The following ANKRD36B variants were observed in gnomAD, a reference collection of about 807,000 sequenced individuals.
The protein encoded by ANKRD36B is ankyrin repeat domain-containing protein 36B.
In ANKRD36B, 37 loss-of-function variants were observed where a neutral mutation model predicts 135.7. The ratio of observed to expected loss-of-function variants is 0.27; its 90% CI spans 0.21 to 0.36. The LOEUF (loss-of-function observed/expected upper bound fraction) is 0.36, where lower values mean the gene tolerates loss of function less well. ANKRD36B is among the 10% of genes least tolerant of loss of function. The pLI is 1.00. For missense variants in ANKRD36B, 549 were observed against 1,037.1 expected (o/e 0.53, Z 6.46); for synonymous variants, 179 against 348.1 (o/e 0.51, Z 5.41).
Position 97,540,026 on chromosome 2 carries a change from A to C in ANKRD36B, c.1987+8T>G, listed in dbSNP as rs776874398. On this transcript the variant is annotated splice_region_variant and intron_variant, in intron 30 of 43. Transcript: ENST00000359901. Reference sequence around the variant, plus strand: ...GAACATGACATTAAATGTGTTTTGTAAAATTACCTGTCCCAGATTTTTCTC... The same window carrying C: ...GAACATGACATTAAATGTGTTTTGTCAAATTACCTGTCCCAGATTTTTCTC... 3.3e-6 allele frequency: 3 copies of C among 917,060 alleles called. No individual in the cohort carries two copies. The South Asian group carries it at 3.8e-5, about 12-fold the overall frequency. 56.8% of individuals were successfully genotyped at this position (917,060 alleles called of 1,614,324 possible). A position where few individuals can be genotyped will look rare whatever the true frequency, so the allele number is the denominator to read the frequency against.
chr2:97,557,590 T>G (rs2080645363), intron 10 of ANKRD36B, among the ~76,000 whole-genome samples: 1 of 151,846 alleles, frequency 6.6e-6, no homozygotes, highest in Non-Finnish European at 1.5e-5. Context: ...ATTGAGCAGG[T>G]ACACAATGAC....
chr2:97,551,620 G>A (rs1216568035), intron 16 of ANKRD36B, 140 bp from the exon 17 acceptor site: 2 of 1,399,680 alleles, frequency 1.4e-6, no homozygotes. Context: ...TGTGTCTGGG[G>A]ATTAGAACAT....
chr2:97,554,732 C>T (rs1448410283), intron 14 of ANKRD36B, among the ~76,000 whole-genome samples: 1 of 151,932 alleles, frequency 6.6e-6, no homozygotes, highest in Non-Finnish European at 1.5e-5. Context: ...ATCTATACTT[C>T]AACTCATTCT....
At chr2:97,555,296 T>A in intron 12 of ANKRD36B, 42 bp from the exon 13 acceptor site, 1 of 1,607,804 alleles carries the variant, frequency 6.2e-7, no homozygotes, top group Non-Finnish European at 8.5e-7. Context: ...TATGTAAATA[T>A]GATAAAGTTA....
chr2:97,576,366 T>G lies in ANKRD36B; in HGVS notation c.763+13A>C. 2 of 1,240,378 alleles carry G rather than the reference T, an allele frequency of 1.6e-6. No individual in the cohort carries two copies. Among genetic ancestry groups the G allele is most frequent in the Non-Finnish European group, 2.2e-6 (2 of 906,942 alleles). The allele number at this position is 1,240,378 out of a possible 1,614,324, so 76.8% of individuals were successfully genotyped here. A position where few individuals can be genotyped will look rare whatever the true frequency, so the allele number is the denominator to read the frequency against. The stretch of plus-strand genomic sequence containing the variant: ...TAGTACCATCAAGAGTAATTCACTA[T>G]CAGAAATCTCACCTGGATTGCTATT... On this transcript the variant is annotated intron_variant, in intron 6 of 43. Transcript: ENST00000359901.
At chr2:97,552,054 C>T (rs1050465678) in intron 16 of ANKRD36B, among the ~76,000 whole-genome samples, 3 of 151,934 alleles carry the variant, frequency 2.0e-5, no homozygotes, top group African/African-American at 2.4e-5. Context: ...TATTCATTAT[C>T]TCTCACACCC....
rs1373078832 is a variant in ANKRD36B, at chr2:97,560,677, T to C, written c.853A>G (p.Ile285Val). The change falls in exon 8 of 44, where the codon ATA becomes GTA. Residue 285 changes from isoleucine (I) to valine (V), a missense_variant. Transcript: ENST00000359901. ...TTTGCAAAATTACCTGTCCCAGATA[T>C]AGGTCCCTCCTTTATTTCTGTGGCT... is the stretch of plus-strand genomic sequence containing the variant. ...NIATEIKEGPISGTVSSQKQP... is the reference protein window; with the variant it reads ...NIATEIKEGPVSGTVSSQKQP... The C allele has an allele frequency of 1.6e-5, 25 of 1,603,780 alleles. No homozygotes were observed. The South Asian group carries it at 2.6e-4, about 17-fold the overall frequency.
chr2:97,552,345 A>G (rs1041005786), intron 16 of ANKRD36B, among the ~76,000 whole-genome samples: 8 of 151,984 alleles, frequency 5.3e-5, no homozygotes, highest in Non-Finnish European at 1.0e-4. Flanking sequence ...TCTTGGGAGT[A>G]TCATGTTAGT....
chr2:97,584,945 T>C lies in ANKRD36B; in HGVS notation c.449A>G (p.Lys150Arg). Reference sequence around the variant, plus strand: ...AAAATAACATTGGTTGACCTATACCTTGCTGCATTCTTCAATATTTGTACC... The same window carrying C: ...AAAATAACATTGGTTGACCTATACCCTGCTGCATTCTTCAATATTTGTACC... ...SHGTNIEECS[K>R]NEYQPLLLAV... The change falls in exon 3 of 44, where the codon AAG becomes AGG. Residue 150 changes from lysine to arginine, a missense_variant and splice_region_variant. Physicochemically the swap from Lys to Arg is conservative, Grantham distance 26 (BLOSUM62 2). Coordinates refer to ENST00000359901, the MANE Select transcript of ANKRD36B (RefSeq NM_001393939.1). The C allele has an allele frequency of 1.3e-6, 2 of 1,598,886 alleles. No individual in the cohort carries two copies. Among genetic ancestry groups the C allele is most frequent in the Admixed American group, 1.7e-5 (1 of 58,992 alleles).
Position 97,530,699 on chromosome 2 carries a change from A to G in ANKRD36B, c.2265+1612T>C, listed in dbSNP as rs1333965994. Among the ~76,000 whole-genome samples the G allele has an allele frequency of 2.1e-5, 2 of 96,890 alleles. 1 individual carries two copies. The highest frequency in any genetic ancestry group is 5.5e-5 in the Non-Finnish European group (2 of 36,428). The allele number at this position is 96,890 out of a possible 152,430, so 63.6% of individuals were successfully genotyped here. A position where few individuals can be genotyped will look rare whatever the true frequency, so the allele number is the denominator to read the frequency against. On this transcript the variant is annotated intron_variant, in intron 35 of 43. Transcript: ENST00000359901. Reference sequence around the variant, plus strand: ...TCCAGAATCTACAAAGAACTCAAACAAATTTACAAGAAAAAAACAAACAAC... The same window carrying G: ...TCCAGAATCTACAAAGAACTCAAACGAATTTACAAGAAAAAAACAAACAAC...
intron 6 of ANKRD36B, among the ~76,000 whole-genome samples, chr2:97,568,524 A>G (rs1315458617): frequency 6.6e-6 from 1 of 152,054 alleles, no homozygotes; most frequent in Non-Finnish European, 1.5e-5. Flanking sequence ...CTATTCATTC[A>G]CCCTATGTAA....
chr2:97,550,985 C>T (rs1206220406), intron 18 of ANKRD36B, among the ~76,000 whole-genome samples: 2 of 151,874 alleles, frequency 1.3e-5, no homozygotes, highest in African/African-American at 4.8e-5. Flanking sequence ...CTCCTTACAC[C>T]CTTAATGAAA....
Position 97,498,361 on chromosome 2 carries a change from G to C in ANKRD36B, c.*7-5506C>G, listed in dbSNP as rs1227276598. ...GTCATGAATCCATTTCAATCCAAGA[G>C]GCATTTATCAACACACATCACAATG... On this transcript the variant is annotated intron_variant, in intron 43 of 43. Coordinates refer to ENST00000359901, the MANE Select transcript of ANKRD36B (RefSeq NM_001393939.1). 3.4e-5 allele frequency among the ~76,000 whole-genome samples: 2 copies of C among 58,100 alleles called. 1 individual carries two copies. The highest frequency in any genetic ancestry group is 8.2e-5 in the Non-Finnish European group (2 of 24,312). The allele number at this position is 58,100 out of a possible 152,430, so 38.1% of individuals were successfully genotyped here.
intron 5 of ANKRD36B, among the ~76,000 whole-genome samples, chr2:97,577,282 G>C (rs922763544): frequency 2.2e-5 from 3 of 135,804 alleles, no homozygotes; most frequent in African/African-American, 8.3e-5. Flanking sequence ...TGACATGGAA[G>C]ACAAAACCCT....
chr2:97,496,833 G>GTGTATATATA (rs373304719), intron 43 of ANKRD36B, among the ~76,000 whole-genome samples: 1 of 62,102 alleles, frequency 1.6e-5, no homozygotes, highest in Non-Finnish European at 3.5e-5. Context: ...ATATGTGTGT[G>GTGTATATATA]TATATATATA....
chr2:97,560,107 A>G (rs2080886922), intron 8 of ANKRD36B, among the ~76,000 whole-genome samples: 1 of 151,828 alleles, frequency 6.6e-6, no homozygotes, highest in Non-Finnish European at 1.5e-5. Context: ...AAATATTCCA[A>G]ATGCATCTGA....
rs1429363027 is a variant in ANKRD36B, at chr2:97,589,827, C to T, written c.-142G>A. The T allele has an allele frequency of 6.5e-6, 8 of 1,235,694 alleles. No individual in the cohort carries two copies. In the African/African-American group the frequency reaches 7.6e-5, roughly 12 times the overall value. 76.5% of individuals were successfully genotyped at this position (1,235,694 alleles called of 1,614,324 possible). A position where few individuals can be genotyped will look rare whatever the true frequency, so the allele number is the denominator to read the frequency against. On this transcript the variant is annotated 5_prime_UTR_variant, in exon 1 of 44. Coordinates refer to ENST00000359901, the MANE Select transcript of ANKRD36B (RefSeq NM_001393939.1). The stretch of plus-strand genomic sequence containing the variant: ...GCAAAGCAGTCTGTGCACGGACCTC[C>T]GCGCAGACTCTCAGCGCCTCCCGCC...
At chr2:97,546,896 A>T (rs1353518965) in intron 22 of ANKRD36B, among the ~76,000 whole-genome samples, 3 of 151,702 alleles carry the variant, frequency 2.0e-5, no homozygotes, top group African/African-American at 7.2e-5. Flanking sequence ...GTAATGAGTC[A>T]GTGTGGTGTA....
intron 6 of ANKRD36B, among the ~76,000 whole-genome samples, chr2:97,565,806 G>A (rs1012708660): frequency 5.9e-5 from 9 of 151,880 alleles, no homozygotes; most frequent in African/African-American, 2.2e-4. Flanking sequence ...ATTCCTCAAG[G>A]ATCTAGAACC....
Sources: gnomAD v4.1 joint callset for allele counts (sites outside exome capture counted in the v4.1 genomes callset) on GRCh38, gnomAD v4.1.1 for gene constraint, MANE v1.5 for transcripts, NCBI Gene and HGNC (gene_info 2026-07-23, HGNC 2026-07-21) for gene names.